TAS2R1: variants seen among roughly 807,000 people sequenced by gnomAD.
TAS2R1 encodes taste 2 receptor member 1.
For synonymous variants in TAS2R1, 141 were observed against 134.2 expected, an observed-to-expected ratio of 1.05 and a Z score of -0.35; for missense variants, 370 against 353.4, an observed-to-expected ratio of 1.05 and a Z score of -0.38.
chr5:9,753,098 G>C, the TAS2R1 span, among the ~76,000 whole-genome samples: 1 of 152,130 alleles, frequency 6.6e-6, no homozygotes, highest in Non-Finnish European at 1.5e-5. Flanking sequence ...GGTATTTCTA[G>C]TTCTAGATCC....
downstream of TAS2R1, chr5:9,629,683 C>T (rs757995508): frequency 1.2e-6 from 2 of 1,614,010 alleles, no homozygotes; most frequent in African/African-American, 2.7e-5. Flanking sequence ...CATCTTCAAC[C>T]AGATGAAGAG....
the TAS2R1 span, among the ~76,000 whole-genome samples, chr5:9,880,166 T>C: frequency 6.6e-6 from 1 of 152,052 alleles, no homozygotes; most frequent in Non-Finnish European, 1.5e-5. Flanking sequence ...AGAGGAAAAA[T>C]ATTTACCTCT....
chr5:9,693,337 A>C (rs765129229), intron 1 of TAS2R1, among the ~76,000 whole-genome samples: 5 of 151,972 alleles, frequency 3.3e-5, no homozygotes, highest in Non-Finnish European at 5.9e-5. Context: ...GGTGAACTAA[A>C]AATACAAAAT....
the TAS2R1 span, among the ~76,000 whole-genome samples, chr5:9,867,866 C>T: frequency 1.3e-5 from 2 of 152,160 alleles, no homozygotes; most frequent in African/African-American, 4.8e-5. Context: ...TAAATATGCC[C>T]ATGCTAAATG....
the TAS2R1 span, among the ~76,000 whole-genome samples, chr5:9,780,757 C>T: frequency 6.6e-6 from 1 of 152,164 alleles, no homozygotes; most frequent in African/African-American, 2.4e-5. Flanking sequence ...TTTAATCAAA[C>T]ACTAATCTAG....
chr5:9,639,940 A>G (rs1051363781), intron 2 of TAS2R1, among the ~76,000 whole-genome samples: 4 of 152,024 alleles, frequency 2.6e-5, no homozygotes, highest in Non-Finnish European at 5.9e-5. Flanking sequence ...AGGCTATTTT[A>G]TTTTCTTACA....
the TAS2R1 span, among the ~76,000 whole-genome samples, chr5:9,830,542 T>C: frequency 6.6e-6 from 1 of 150,714 alleles, no homozygotes; most frequent in Non-Finnish European, 1.5e-5. Flanking sequence ...AAAAAGATGA[T>C]AGACATAAAT....
At chr5:9,639,981 T>G (rs1740040289) in intron 2 of TAS2R1, among the ~76,000 whole-genome samples, 1 of 152,208 alleles carries the variant, frequency 6.6e-6, no homozygotes, top group African/African-American at 2.4e-5. Flanking sequence ...GCACTTTTAA[T>G]TTTCTTCAAA....
chr5:9,868,052 A>G, the TAS2R1 span, among the ~76,000 whole-genome samples: 71 of 152,298 alleles, frequency 4.7e-4, no homozygotes, highest in African/African-American at 1.6e-3. Context: ...CTGTGGCTTA[A>G]TAGGGTATAG....
At chr5:9,715,067 A>T (rs1487092075), upstream of TAS2R1, among the ~76,000 whole-genome samples, 3 of 152,234 alleles carry the variant, frequency 2.0e-5, no homozygotes, top group Non-Finnish European at 2.9e-5. Flanking sequence ...AGGGGACTCC[A>T]GGAAGATATG....
At chr5:9,819,401 G>A in the TAS2R1 span, among the ~76,000 whole-genome samples, 2 of 152,158 alleles carry the variant, frequency 1.3e-5, no homozygotes, top group Non-Finnish European at 2.9e-5. Context: ...TCTGCAACCT[G>A]GAAAACAAAG....
the TAS2R1 span, among the ~76,000 whole-genome samples, chr5:9,848,871 C>A: frequency 6.6e-6 from 1 of 152,194 alleles, no homozygotes; most frequent in South Asian, 2.1e-4. Flanking sequence ...AACTAATATA[C>A]CTGCTTAACC....
chr5:9,773,248 A>G, the TAS2R1 span, among the ~76,000 whole-genome samples: 4 of 152,136 alleles, frequency 2.6e-5, no homozygotes, highest in African/African-American at 9.7e-5. Flanking sequence ...TTTTAAGCTA[A>G]TAACAACACT....
chr5:9,747,324 T>C, the TAS2R1 span, among the ~76,000 whole-genome samples: 1 of 152,032 alleles, frequency 6.6e-6, no homozygotes, highest in African/African-American at 2.4e-5. Flanking sequence ...CAGGAACACA[T>C]GAGTGGGGTA....
intron 1 of TAS2R1, among the ~76,000 whole-genome samples, chr5:9,703,290 T>C (rs1375572220): frequency 2.0e-5 from 3 of 152,310 alleles, no homozygotes; most frequent in Admixed American, 6.5e-5. Flanking sequence ...GGTGGGGCTA[T>C]AGATTTGAAA....
At chr5:9,714,815 A>G (rs1213501350), upstream of TAS2R1, among the ~76,000 whole-genome samples, 1 of 152,244 alleles carries the variant, frequency 6.6e-6, no homozygotes, top group Admixed American at 6.5e-5. Context: ...CAATCTAGAA[A>G]CAGAACTCTG....
rs1741354306 is a variant in TAS2R1 at position 9,696,289 on chromosome 5, G to T, written c.-242+15883C>A. ...TATATTAAACATGAGATCTGATGCG[G>T]TAGCTCACGCCTGTAATCCCAGCAC... On this transcript the variant is annotated intron_variant, in intron 1 of 2. Coordinates refer to the TAS2R1 transcript ENST00000506620. Among the ~76,000 whole-genome samples, 3 of 152,146 alleles carry T rather than the reference G, an allele frequency of 2.0e-5. No individual in the cohort carries two copies. In the South Asian group the frequency reaches 6.2e-4, roughly 32 times the overall value.
chr5:9,751,748 T>C, the TAS2R1 span, among the ~76,000 whole-genome samples: 1 of 152,224 alleles, frequency 6.6e-6, no homozygotes, highest in Admixed American at 6.5e-5. Flanking sequence ...CAGTAATTGT[T>C]ATGCACAAAA....
the TAS2R1 span, among the ~76,000 whole-genome samples, chr5:9,900,556 A>AGTT: frequency 6.6e-6 from 1 of 151,186 alleles, no homozygotes; most frequent in Non-Finnish European, 1.5e-5. Context: ...CACAAGCCAG[A>AGTT]GTTATATGTT....
Sources: allele counts gnomAD v4.1 joint callset (sites outside exome capture counted in the v4.1 genomes callset), GRCh38; gene constraint gnomAD v4.1.1; transcripts MANE v1.5; gene names NCBI Gene and HGNC (gene_info 2026-07-23, HGNC 2026-07-21).